The following STXBP5L variants were observed in gnomAD, a reference collection of about 807,000 sequenced individuals.
STXBP5L encodes the protein syntaxin binding protein 5L, also known as syntaxin-binding protein 5-like.
STXBP5L carries 65 observed loss-of-function variants against 144.5 expected under a neutral mutation model. The ratio of observed to expected loss-of-function variants is 0.45; its 90% confidence interval spans 0.37 to 0.55. STXBP5L has a LOEUF of 0.55. Ranked by LOEUF, STXBP5L falls within the 20% of genes least tolerant of loss-of-function variation. The probability of loss-of-function intolerance (pLI) is 0.00; values close to 1 mark genes in which losing one functional copy is unlikely to be tolerated. For synonymous variants in STXBP5L, 505 were observed against 469.6 expected, an observed-to-expected ratio of 1.08 and a Z score of -0.97; for missense variants, 1,298 against 1,405.5, an observed-to-expected ratio of 0.92 and a Z score of 1.22.
chr3:120,916,363 C>T (rs2107566704), intron 2 of STXBP5L, among the ~76,000 whole-genome samples: 1 of 152,076 alleles, frequency 6.6e-6, no homozygotes, highest in African/African-American at 2.4e-5. Context: ...TGCAATGGTG[C>T]AGTCTTGGCT....
rs2051413808 is a variant in STXBP5L, at chr3:121,290,876, A to T, written c.2110+10920A>T. Among the ~76,000 whole-genome samples the T allele has an allele frequency of 3.3e-5, 5 of 152,294 alleles. 1 individual carries two copies. In the South Asian group the frequency reaches 8.3e-4, roughly 25 times the overall value. On this transcript the variant is annotated intron_variant, in intron 19 of 26. Coordinates refer to ENST00000471454, the MANE Select transcript of STXBP5L (RefSeq NM_001308330.2). ...TCTTTATGATTAAAACCCTCGGCAA[A>T]ATCAGCATAGAAGGAAAACAACTAA... is the stretch of plus-strand genomic sequence containing the variant.
chr3:121,249,445 T>G (rs2049963126), intron 14 of STXBP5L, among the ~76,000 whole-genome samples: 1 of 152,154 alleles, frequency 6.6e-6, no homozygotes, highest in Non-Finnish European at 1.5e-5. Context: ...TTTATCTATT[T>G]CTTGGTTTTG....
chr3:121,336,862 A>C (rs1351420501), intron 20 of STXBP5L, among the ~76,000 whole-genome samples: 1 of 152,220 alleles, frequency 6.6e-6, no homozygotes, highest in Non-Finnish European at 1.5e-5. Context: ...AATGCCCATC[A>C]ATGGCAGATT....
chr3:121,410,674 A>G (rs560096650), intron 23 of STXBP5L, among the ~76,000 whole-genome samples: 1 of 152,180 alleles, frequency 6.6e-6, no homozygotes, highest in East Asian at 1.9e-4. Flanking sequence ...TTGAGAGTAG[A>G]GAGGAGAAAT....
At chr3:121,176,517 A>G (rs545042431) in intron 9 of STXBP5L, among the ~76,000 whole-genome samples, 1 of 149,628 alleles carries the variant, frequency 6.7e-6, no homozygotes, top group South Asian at 2.1e-4. Flanking sequence ...AAGGTGAAGT[A>G]TTGAAAAACT....
At chr3:121,394,781 T>A (rs935020666) in intron 22 of STXBP5L, among the ~76,000 whole-genome samples, 3 of 151,908 alleles carry the variant, frequency 2.0e-5, no homozygotes, top group Non-Finnish European at 2.9e-5. Flanking sequence ...ATTTTTTGCA[T>A]TTTTTAGTAG....
rs563664215 is a variant in STXBP5L, at chr3:121,315,109, T to A, written c.2111-3366T>A. On this transcript the variant is annotated intron_variant, in intron 19 of 26. Coordinates refer to ENST00000471454, the MANE Select transcript of STXBP5L (RefSeq NM_001308330.2). ...TCAGGGATCTAGAACTAGAAATACCTTTTGACCCAGCCATCCCATTACTGG... is the reference window on the plus strand; with the variant it reads ...TCAGGGATCTAGAACTAGAAATACCATTTGACCCAGCCATCCCATTACTGG... Among the ~76,000 whole-genome samples, 519 of 150,692 alleles carry A rather than the reference T, an allele frequency of 3.4e-3. 2 individuals carry two copies. Among genetic ancestry groups the A allele is most frequent in the African/African-American group, 0.012 (472 of 40,964 alleles).
At chr3:121,236,941 A>G (rs1037693476) in intron 12 of STXBP5L, among the ~76,000 whole-genome samples, 1 of 152,240 alleles carries the variant, frequency 6.6e-6, no homozygotes, top group Non-Finnish European at 1.5e-5. Flanking sequence ...AACACAGCAG[A>G]GTAGACATTA....
At chr3:121,252,092 G>T (rs2050044653) in intron 15 of STXBP5L, among the ~76,000 whole-genome samples, 1 of 152,142 alleles carries the variant, frequency 6.6e-6, no homozygotes, top group African/African-American at 2.4e-5. Flanking sequence ...AGGCGCAGTT[G>T]TTCACATCTG....
intron 5 of STXBP5L, among the ~76,000 whole-genome samples, chr3:121,107,783 A>C (rs1282885412): frequency 6.6e-6 from 1 of 152,174 alleles, no homozygotes; most frequent in Non-Finnish European, 1.5e-5. Context: ...ATAGCATTGA[A>C]TCTTTAAATT....
chr3:121,302,967 A>T (rs531147330), intron 19 of STXBP5L, among the ~76,000 whole-genome samples: 62 of 152,350 alleles, frequency 4.1e-4, no homozygotes, highest in African/African-American at 1.5e-3. Flanking sequence ...GGATATAGGC[A>T]TGGGCAAGGA....
At chr3:121,155,440 T>A (rs777243509) in intron 8 of STXBP5L, among the ~76,000 whole-genome samples, 6 of 151,906 alleles carry the variant, frequency 3.9e-5, no homozygotes, top group Non-Finnish European at 7.4e-5. Flanking sequence ...TAGCCATTGA[T>A]GAATGGATAT....
chr3:120,975,263 C>G (rs146413940), intron 3 of STXBP5L, among the ~76,000 whole-genome samples: 15,106 of 152,124 alleles, frequency 0.099, 1,187 homozygotes, highest in Admixed American at 0.2. Flanking sequence ...CTTCACGTCC[C>G]TTGTAAGTTG....
intron 11 of STXBP5L, among the ~76,000 whole-genome samples, chr3:121,232,356 G>A (rs1279277169): frequency 1.3e-5 from 2 of 152,120 alleles, no homozygotes; most frequent in African/African-American, 4.8e-5. Flanking sequence ...GAAAGGAGCT[G>A]AGAGTTGGTC....
intron 18 of STXBP5L, among the ~76,000 whole-genome samples, chr3:121,271,009 T>C (rs970701409): frequency 4.6e-5 from 7 of 152,210 alleles, no homozygotes; most frequent in African/African-American, 1.7e-4. Flanking sequence ...CACTATAAAG[T>C]TGCTGTTTCC....
intron 3 of STXBP5L, among the ~76,000 whole-genome samples, chr3:120,973,525 C>G (rs1338388817): frequency 3.3e-5 from 5 of 151,714 alleles, no homozygotes; most frequent in Admixed American, 3.3e-4. Flanking sequence ...AGAATACTAA[C>G]TTTTCATTTC....
In STXBP5L at chr3:121,114,952, G is replaced by C. The variant is rs778361831; in HGVS notation, c.498G>C (p.Gln166His). Reference sequence around the variant, plus strand: ...TTACTTACTGTCATCTACCTTTCCAGAGTAAATGGCTTTATGTTGGAACAG... The same window carrying C: ...TTACTTACTGTCATCTACCTTTCCACAGTAAATGGCTTTATGTTGGAACAG... ...ERITYCHLPF[Q>H]SKWLYVGTER... The change falls in exon 6 of 27, where the codon CAG becomes CAC. Residue 166 changes from glutamine (Q) to histidine (H), a missense_variant. Gln to His is a conservative substitution (Grantham distance 24, BLOSUM62 0). Transcript: ENST00000471454. 1 of 1,576,558 alleles carries C rather than the reference G, an allele frequency of 6.3e-7. No individual in the cohort carries two copies. The highest frequency in any genetic ancestry group is 8.6e-7 in the Non-Finnish European group (1 of 1,163,870).
chr3:120,913,295 A>C (rs990582655), intron 2 of STXBP5L, among the ~76,000 whole-genome samples: 1 of 151,934 alleles, frequency 6.6e-6, no homozygotes, highest in Non-Finnish European at 1.5e-5. Context: ...TCTGGTGTCT[A>C]AAATAGAGAT....
intron 3 of STXBP5L, among the ~76,000 whole-genome samples, chr3:121,036,031 C>T (rs1478593558): frequency 6.6e-6 from 1 of 152,004 alleles, no homozygotes; most frequent in African/African-American, 2.4e-5. Flanking sequence ...GATAGAATTA[C>T]AATTTATTTA....
Sources: gnomAD v4.1 joint callset for allele counts (sites outside exome capture counted in the v4.1 genomes callset) on GRCh38, gnomAD v4.1.1 for gene constraint, MANE v1.5 for transcripts, NCBI Gene and HGNC (gene_info 2026-07-23, HGNC 2026-07-21) for gene names.